ROBO1: variants seen among roughly 807,000 people sequenced by gnomAD.
The protein encoded by ROBO1 is roundabout guidance receptor 1.
Under a neutral mutation model 195.9 loss-of-function variants are expected in ROBO1, and 149 were observed. That is an observed-to-expected ratio of 0.76 (90% CI 0.67 to 0.87). ROBO1 has a LOEUF of 0.87. Ranked by LOEUF, ROBO1 falls within the 40% of genes least tolerant of loss-of-function variation. ROBO1 has a pLI of 0.00. For synonymous variants in ROBO1, 816 were observed against 733.2 expected (o/e 1.11, Z -1.82); for missense variants, 1,933 against 2,068.3 (o/e 0.93, Z 1.27).
chr3:79,007,442 A>AG (rs1232454940), intron 3 of ROBO1, among the ~76,000 whole-genome samples: 1 of 152,180 alleles, frequency 6.6e-6, no homozygotes, highest in African/African-American at 2.4e-5. Context: ...GTACCGCCCA[A>AG]GGGATTCTCT....
intron 3 of ROBO1, among the ~76,000 whole-genome samples, chr3:79,063,128 C>T (rs939688499): frequency 4.6e-5 from 7 of 151,764 alleles, no homozygotes; most frequent in African/African-American, 1.5e-4. Flanking sequence ...ATGAACATAG[C>T]CACAGAAAAT....
At chr3:79,442,191 G>T (rs1254432631) in intron 2 of ROBO1, among the ~76,000 whole-genome samples, 1 of 152,038 alleles carries the variant, frequency 6.6e-6, no homozygotes, top group Non-Finnish European at 1.5e-5. Context: ...CCTTATTCAT[G>T]TACAACTATT....
In ROBO1 at chr3:78,635,960, ACGCC is replaced by A. The variant is rs1705469864; in HGVS notation, c.3182_3185del (p.Gly1061ValfsTer26). The stretch of plus-strand genomic sequence containing the variant: ...TAGGCTGCCCTGATGGATTGACAAA[ACGCC>A]CATCCTTCAGATTTGGGCTATTGAA... On this transcript the variant is annotated frameshift_variant, in exon 23 of 31. Transcript: ENST00000464233. LOFTEE classifies it high-confidence loss of function. 1 of 1,613,582 alleles carries A rather than the reference ACGCC, an allele frequency of 6.2e-7. No homozygotes were observed. Among genetic ancestry groups the A allele is most frequent in the Non-Finnish European group, 8.5e-7 (1 of 1,179,816 alleles).
At chr3:78,973,530 A>G (rs2076817467) in intron 3 of ROBO1, among the ~76,000 whole-genome samples, 1 of 144,980 alleles carries the variant, frequency 6.9e-6, no homozygotes, top group African/African-American at 2.5e-5. Context: ...GAAGCTATAT[A>G]TAATATATAT....
chr3:78,682,152 C>T (rs73850750), intron 10 of ROBO1, among the ~76,000 whole-genome samples: 42,920 of 151,336 alleles, frequency 0.28, 6,453 homozygotes, highest in African/African-American at 0.38. Flanking sequence ...TTAAATTTTT[C>T]CCCCCTGAAG....
chr3:79,658,211 TTGA>T (rs1248303761), intron 1 of ROBO1, among the ~76,000 whole-genome samples: 1 of 152,126 alleles, frequency 6.6e-6, no homozygotes, highest in African/African-American at 2.4e-5. Flanking sequence ...TCTAGCGGAC[TTGA>T]TGGAGTGCCC....
At chr3:79,196,895 C>G (rs146361594) in intron 2 of ROBO1, among the ~76,000 whole-genome samples, 1 of 151,812 alleles carries the variant, frequency 6.6e-6, no homozygotes, top group East Asian at 1.9e-4. Flanking sequence ...TAAGGCTTTT[C>G]TCTCTCTGAG....
chr3:79,378,056 A>G (rs2036445042), intron 2 of ROBO1, among the ~76,000 whole-genome samples: 3 of 148,748 alleles, frequency 2.0e-5, no homozygotes, highest in Non-Finnish European at 4.6e-5. Context: ...TTAACCTCCA[A>G]TATATATATA....
intron 1 of ROBO1, among the ~76,000 whole-genome samples, chr3:79,592,463 T>A (rs1944034183): frequency 2.0e-5 from 3 of 152,022 alleles, no homozygotes; most frequent in Admixed American, 2.0e-4. Flanking sequence ...TCAGAAATTA[T>A]GAATCAGAAA....
intron 3 of ROBO1, among the ~76,000 whole-genome samples, chr3:79,123,148 C>T (rs150512974): frequency 6.6e-6 from 1 of 151,976 alleles, no homozygotes; most frequent in Non-Finnish European, 1.5e-5. Flanking sequence ...TGCTGCTATG[C>T]CCAGGGTTAT....
chr3:79,639,834 C>G (rs1945603944), intron 1 of ROBO1, among the ~76,000 whole-genome samples: 1 of 152,170 alleles, frequency 6.6e-6, no homozygotes, highest in Non-Finnish European at 1.5e-5. Flanking sequence ...GACAGAATTT[C>G]TAAGTACTCC....
chr3:79,221,636 A>T (rs2082140937), intron 2 of ROBO1, among the ~76,000 whole-genome samples: 1 of 152,124 alleles, frequency 6.6e-6, no homozygotes, highest in Non-Finnish European at 1.5e-5. Flanking sequence ...AATAAAAATG[A>T]ATAATGTGCC....
At chr3:79,157,658 C>T (rs923442264) in intron 2 of ROBO1, among the ~76,000 whole-genome samples, 3 of 151,752 alleles carry the variant, frequency 2.0e-5, no homozygotes, top group Non-Finnish European at 4.4e-5. Flanking sequence ...CATTTTTTCC[C>T]CAGAATAATT....
intron 3 of ROBO1, among the ~76,000 whole-genome samples, chr3:78,967,209 C>G (rs1306985768): frequency 6.6e-6 from 1 of 152,100 alleles, no homozygotes; most frequent in Non-Finnish European, 1.5e-5. Flanking sequence ...CAGAGGAGCC[C>G]TAGAGCACTG....
chr3:79,574,219 T>A (rs1257050616), intron 2 of ROBO1, among the ~76,000 whole-genome samples: 2 of 152,122 alleles, frequency 1.3e-5, no homozygotes, highest in Non-Finnish European at 2.9e-5. Flanking sequence ...GCTCAGTGTT[T>A]CCTCATTTTA....
chr3:78,946,212 C>A (rs2040434413), intron 3 of ROBO1, among the ~76,000 whole-genome samples: 1 of 152,088 alleles, frequency 6.6e-6, no homozygotes, highest in Non-Finnish European at 1.5e-5. Context: ...TTCCAAGACA[C>A]ATAATTGTCA....
chr3:78,863,254 C>G (rs142097826), intron 4 of ROBO1, among the ~76,000 whole-genome samples: 2,885 of 152,230 alleles, frequency 0.019, 70 homozygotes, highest in Admixed American at 0.025. Context: ...GTGGTACAGG[C>G]CACAGGCAAT....
At chr3:78,763,723 C>T (rs1328579624) in intron 4 of ROBO1, among the ~76,000 whole-genome samples, 3 of 152,118 alleles carry the variant, frequency 2.0e-5, no homozygotes, top group African/African-American at 7.2e-5. Context: ...TTGGTTCTGC[C>T]AATCTTGAAA....
At chr3:79,544,212 C>T (rs1478271441) in intron 2 of ROBO1, among the ~76,000 whole-genome samples, 2 of 151,878 alleles carry the variant, frequency 1.3e-5, no homozygotes, top group East Asian at 3.9e-4. Context: ...GAGATGTTTT[C>T]ATTATTAGAT....
Sources: allele counts gnomAD v4.1 joint callset (sites outside exome capture counted in the v4.1 genomes callset), GRCh38; gene constraint gnomAD v4.1.1; transcripts MANE v1.5; gene names NCBI Gene and HGNC (gene_info 2026-07-23, HGNC 2026-07-21).